GPR158: variants seen among roughly 807,000 people sequenced by gnomAD.
The protein encoded by GPR158 is metabotropic glycine receptor.
Under a neutral mutation model 78.2 loss-of-function variants are expected in GPR158, and 30 were observed. That is an observed-to-expected ratio of 0.38 (90% CI 0.29 to 0.52). GPR158 has a LOEUF of 0.52. GPR158 is among the 20% of genes least tolerant of loss of function. GPR158 has a pLI of 0.83. For missense variants in GPR158, 1,463 were observed against 1,523.5 expected (o/e 0.96, Z 0.66); for synonymous variants, 581 against 591.1 (o/e 0.98, Z 0.25).
intron 8 of GPR158, 36 bp from the exon 9 acceptor site, chr10:25,594,256 A>T (rs1588928115): frequency 2.0e-6 from 2 of 1,005,256 alleles, no homozygotes; most frequent in Non-Finnish European, 3.2e-6. Context: ...TAGAATCTTA[A>T]TCTTGGATTG....
intron 2 of GPR158, among the ~76,000 whole-genome samples, chr10:25,312,323 C>A (rs906295093): frequency 6.6e-6 from 1 of 151,910 alleles, no homozygotes; most frequent in Non-Finnish European, 1.5e-5. Flanking sequence ...AATGTTGATA[C>A]GTTTAACCCA....
chr10:25,360,322 G>T (rs1178997226), intron 2 of GPR158, among the ~76,000 whole-genome samples: 1 of 152,054 alleles, frequency 6.6e-6, no homozygotes, highest in Non-Finnish European at 1.5e-5. Flanking sequence ...TGAAGCCTTT[G>T]CCCATGCCTA....
At chr10:25,475,396 G>A (rs917171976) in intron 5 of GPR158, 1 of 151,990 alleles carries the variant, frequency 6.6e-6, no homozygotes, top group Non-Finnish European at 1.5e-5. Context: ...GTAATGGCTC[G>A]AGATAATAAC....
chr10:25,580,957 G>T (rs1335986516), intron 7 of GPR158, among the ~76,000 whole-genome samples: 1 of 132,274 alleles, frequency 7.6e-6, no homozygotes, highest in African/African-American at 2.8e-5. Flanking sequence ...TCGCTCTGTT[G>T]CCCAGGCCAG....
intron 2 of GPR158, among the ~76,000 whole-genome samples, chr10:25,335,530 G>A (rs553309432): frequency 3.3e-5 from 5 of 151,898 alleles, no homozygotes; most frequent in African/African-American, 7.2e-5. Flanking sequence ...TTATTGTTCC[G>A]TAGAATTTTC....
intron 2 of GPR158, among the ~76,000 whole-genome samples, chr10:25,280,347 C>T (rs1204374199): frequency 6.6e-6 from 1 of 152,090 alleles, no homozygotes; most frequent in African/African-American, 2.4e-5. Context: ...TAAAAATAGA[C>T]TTGAAGGCAA....
intron 2 of GPR158, among the ~76,000 whole-genome samples, chr10:25,388,892 A>T (rs1834256699): frequency 6.6e-6 from 1 of 152,162 alleles, no homozygotes; most frequent in Admixed American, 6.5e-5. Context: ...CATGGAGCAA[A>T]GTTGAGGCTG....
chr10:25,483,265 A>C (rs960508021), intron 5 of GPR158, among the ~76,000 whole-genome samples: 2 of 151,944 alleles, frequency 1.3e-5, no homozygotes, highest in African/African-American at 4.8e-5. Flanking sequence ...CTGTAACACT[A>C]TCTCTTCACC....
At chr10:25,522,827 TAA>T (rs1316624131) in intron 5 of GPR158, among the ~76,000 whole-genome samples, 1 of 152,090 alleles carries the variant, frequency 6.6e-6, no homozygotes, top group Non-Finnish European at 1.5e-5. Flanking sequence ...TTAATATGGG[TAA>T]AGTTTTCAGT....
At chr10:25,295,598 A>T (rs900903762) in intron 2 of GPR158, among the ~76,000 whole-genome samples, 1 of 152,020 alleles carries the variant, frequency 6.6e-6, no homozygotes, top group Non-Finnish European at 1.5e-5. Context: ...TATTTTTAGT[A>T]GAGACAGGGT....
At chr10:25,536,783 T>C (rs928294052) in intron 5 of GPR158, among the ~76,000 whole-genome samples, 2 of 152,216 alleles carry the variant, frequency 1.3e-5, no homozygotes, top group African/African-American at 4.8e-5. Flanking sequence ...CTTCACTTTC[T>C]GGGTTTTGCC....
chr10:25,452,629 T>C (rs1228543362), intron 4 of GPR158, among the ~76,000 whole-genome samples: 1 of 152,180 alleles, frequency 6.6e-6, no homozygotes, highest in Non-Finnish European at 1.5e-5. Context: ...AACAAGGCCT[T>C]AGGGGTCTTA....
At chr10:25,593,336 C>T (rs969100337) in intron 8 of GPR158, among the ~76,000 whole-genome samples, 1 of 151,974 alleles carries the variant, frequency 6.6e-6, no homozygotes, top group Non-Finnish European at 1.5e-5. Context: ...AAATTAGTTT[C>T]TTCCTATTTT....
intron 2 of GPR158, among the ~76,000 whole-genome samples, chr10:25,230,556 GT>G (rs60491303): frequency 6.6e-6 from 1 of 152,092 alleles, no homozygotes; most frequent in African/African-American, 2.4e-5. Flanking sequence ...AATTGAGAAT[GT>G]TTTTCCAGGA....
At chr10:25,342,797 TAA>T (rs1207254311) in intron 2 of GPR158, among the ~76,000 whole-genome samples, 1 of 150,180 alleles carries the variant, frequency 6.7e-6, no homozygotes. Flanking sequence ...TTTTCTCAAA[TAA>T]CTCAATTCTC....
intron 4 of GPR158, among the ~76,000 whole-genome samples, chr10:25,414,873 G>C (rs1207023438): frequency 6.6e-6 from 1 of 152,086 alleles, no homozygotes; most frequent in African/African-American, 2.4e-5. Flanking sequence ...ACAGTTGTGG[G>C]TAAGTGTGCA....
intron 5 of GPR158, among the ~76,000 whole-genome samples, chr10:25,515,058 G>C (rs1428694142): frequency 6.6e-6 from 1 of 152,018 alleles, no homozygotes; most frequent in Admixed American, 6.6e-5. Context: ...TGGATGTCTA[G>C]ATCTCTAACA....
At position 25,578,882 on chromosome 10, in the gene GPR158, G is replaced by A. The variant is rs185198376; in HGVS notation, c.1753+5995G>A. ...AAATTAGCTGGGCATGGTGGCGGGCGCCTGTAATCCCAGCTACTCAGGAGG... is the reference window on the plus strand; with the variant it reads ...AAATTAGCTGGGCATGGTGGCGGGCACCTGTAATCCCAGCTACTCAGGAGG... On this transcript the variant is annotated intron_variant, in intron 7 of 10. Transcript: ENST00000376351. Among the ~76,000 whole-genome samples, 804 of 152,088 alleles carry A rather than the reference G, an allele frequency of 5.3e-3. 5 individuals carry two copies. The highest frequency in any genetic ancestry group is 0.018 in the African/African-American group (757 of 41,504).
chr10:25,187,702 A>T (rs1588724744), intron 1 of GPR158, among the ~76,000 whole-genome samples: 3 of 152,204 alleles, frequency 2.0e-5, no homozygotes, highest in African/African-American at 7.2e-5. Context: ...AACTGGAAGC[A>T]TTCCCTTTGA....
Sources: gnomAD v4.1 joint callset for allele counts (sites outside exome capture counted in the v4.1 genomes callset) on GRCh38, gnomAD v4.1.1 for gene constraint, MANE v1.5 for transcripts, NCBI Gene and HGNC (gene_info 2026-07-23, HGNC 2026-07-21) for gene names.